ANO4: variants seen among roughly 807,000 people sequenced by gnomAD.
ANO4 encodes anoctamin 4.
In ANO4, 69 loss-of-function variants were observed where a neutral mutation model predicts 141.9. That is an observed-to-expected ratio of 0.49 (90% CI 0.40 to 0.59). The LOEUF (loss-of-function observed/expected upper bound fraction) is 0.59. Ranked by LOEUF, ANO4 falls within the 20% of genes least tolerant of loss-of-function variation. The pLI is 0.00. For synonymous variants in ANO4, 350 were observed against 394.3 expected (o/e 0.89, Z 1.33); for missense variants, 894 against 1,162.2 (o/e 0.77, Z 3.36).
intron 19 of ANO4, 86 bp downstream of exon 19, chr12:101,096,733 C>T (rs1843935012): frequency 2.0e-6 from 2 of 1,009,952 alleles, no homozygotes; most frequent in African/African-American, 1.6e-5. Context: ...GAAGCCCTCC[C>T]TTAGGGTGAT....
At chr12:100,888,656 A>G (rs529711676) in intron 1 of ANO4, among the ~76,000 whole-genome samples, 1 of 152,224 alleles carries the variant, frequency 6.6e-6, no homozygotes, top group Non-Finnish European at 1.5e-5. Flanking sequence ...AGCCCAGGTG[A>G]TGAAGGAGTC....
At chr12:100,889,247 A>G (rs970792919) in intron 1 of ANO4, among the ~76,000 whole-genome samples, 1 of 152,064 alleles carries the variant, frequency 6.6e-6, no homozygotes, top group Non-Finnish European at 1.5e-5. Context: ...TCCATGGTGT[A>G]TATGTGCCAC....
chr12:100,971,768 T>TC lies in ANO4; in HGVS notation c.557+362_557+363insC, dbSNP rs1359371119. Among the ~76,000 whole-genome samples, 6 of 152,292 alleles carry TC rather than the reference T, an allele frequency of 3.9e-5. No individual in the cohort carries two copies. In the East Asian group the frequency reaches 1.2e-3, roughly 29 times the overall value. On this transcript the variant is annotated intron_variant, in intron 6 of 27. Transcript: ENST00000392977. ...CACAGGGGCATGTTTTCATGTTCTT[T>TC]ACTGACTAGTCTCTTCCAGAAAAAC...
At chr12:100,856,299 C>A (rs925005019) in intron 1 of ANO4, among the ~76,000 whole-genome samples, 54 of 152,150 alleles carry the variant, frequency 3.5e-4, no homozygotes, top group Non-Finnish European at 6.9e-4. Flanking sequence ...GCAGAACCCA[C>A]CAGTCTCCTA....
chr12:100,754,818 A>C (rs985668170), intron 3 of ANO4, among the ~76,000 whole-genome samples: 2 of 152,190 alleles, frequency 1.3e-5, no homozygotes, highest in Non-Finnish European at 2.9e-5. Context: ...GCCAGGCACA[A>C]AATACCACAT....
At chr12:101,119,936 A>T (rs2051013957) in intron 25 of ANO4, among the ~76,000 whole-genome samples, 4 of 152,186 alleles carry the variant, frequency 2.6e-5, no homozygotes, top group Admixed American at 2.6e-4. Flanking sequence ...CAAAAGTGAT[A>T]GCTGGAGGAT....
intron 9 of ANO4, among the ~76,000 whole-genome samples, chr12:101,031,406 C>A (rs2046969492): frequency 6.6e-6 from 1 of 152,132 alleles, no homozygotes; most frequent in Non-Finnish European, 1.5e-5. Context: ...TAAAAACTCT[C>A]AATAAACTAG....
At chr12:100,825,157 A>C (rs998683376) in intron 1 of ANO4, among the ~76,000 whole-genome samples, 16 of 151,982 alleles carry the variant, frequency 1.1e-4, no homozygotes, top group African/African-American at 3.9e-4. Flanking sequence ...TTTTATTCCA[A>C]CTCTTTTACT....
rs144787713 is a variant in ANO4 at position 101,039,396 on chromosome 12, T to C, written c.898-559T>C. Among the ~76,000 whole-genome samples the C allele has an allele frequency of 8.7e-3, 1,329 of 152,256 alleles. 25 individuals carry two copies. Among genetic ancestry groups the C allele is most frequent in the African/African-American group, 0.03 (1,234 of 41,538 alleles). ...GGCACATGCCTATGGTCCCAGCTACTTGGGAGGCTGAGGTGGGAGGATTGC... is the reference window on the plus strand; with the variant it reads ...GGCACATGCCTATGGTCCCAGCTACCTGGGAGGCTGAGGTGGGAGGATTGC... On this transcript the variant is annotated intron_variant, in intron 10 of 27. Coordinates refer to ENST00000392977, the MANE Select transcript of ANO4 (RefSeq NM_001286615.2).
chr12:101,015,936 T>A (rs2046298742), intron 8 of ANO4, among the ~76,000 whole-genome samples: 2 of 152,142 alleles, frequency 1.3e-5, no homozygotes, highest in Admixed American at 1.3e-4. Flanking sequence ...ATATGGGGAA[T>A]CATCACTGTT....
intron 14 of ANO4, among the ~76,000 whole-genome samples, chr12:101,070,428 T>C (rs2048764017): frequency 6.6e-6 from 1 of 152,200 alleles, no homozygotes; most frequent in Non-Finnish European, 1.5e-5. Flanking sequence ...AAAAGTCTTT[T>C]CAATAAATGG....
intron 1 of ANO4, among the ~76,000 whole-genome samples, chr12:100,898,726 T>A (rs967952450): frequency 4.6e-5 from 7 of 152,240 alleles, no homozygotes; most frequent in Admixed American, 6.5e-5. Context: ...CTAAAAGTGC[T>A]GTGCTGAGTC....
At chr12:100,930,953 C>T (rs1221750112) in intron 3 of ANO4, among the ~76,000 whole-genome samples, 2 of 152,042 alleles carry the variant, frequency 1.3e-5, no homozygotes, top group East Asian at 3.9e-4. Context: ...CTGTAGGGTT[C>T]CAGAGAACAG....
At chr12:100,876,197 G>A (rs1272240677) in intron 1 of ANO4, among the ~76,000 whole-genome samples, 1 of 149,584 alleles carries the variant, frequency 6.7e-6, no homozygotes, top group African/African-American at 2.5e-5. Flanking sequence ...GTGGAAACTT[G>A]TAAGTGTGGG....
intron 17 of ANO4, among the ~76,000 whole-genome samples, chr12:101,092,768 A>G (rs1296263883): frequency 6.6e-6 from 1 of 152,150 alleles, no homozygotes; most frequent in Admixed American, 6.6e-5. Context: ...CCATGTAACA[A>G]AGGCATATCC....
At chr12:101,045,651 C>T (rs961721186) in intron 13 of ANO4, among the ~76,000 whole-genome samples, 2 of 152,158 alleles carry the variant, frequency 1.3e-5, no homozygotes. Flanking sequence ...AACCCAACTC[C>T]TACTGGCTTA....
At chr12:101,120,374 G>A (rs1223564679) in intron 25 of ANO4, 146 bp from the exon 26 acceptor site, 2 of 668,924 alleles carry the variant, frequency 3.0e-6, no homozygotes, top group African/African-American at 3.7e-5. Flanking sequence ...GAAGAAAAAT[G>A]CTGGACAAGC....
chr12:100,919,989 A>G (rs1195367015), intron 2 of ANO4, among the ~76,000 whole-genome samples: 1 of 152,018 alleles, frequency 6.6e-6, no homozygotes, highest in Non-Finnish European at 1.5e-5. Context: ...GTTATTAAAA[A>G]TTCTAGTTAT....
At chr12:100,745,306 A>G (rs1237724272) in intron 3 of ANO4, among the ~76,000 whole-genome samples, 3 of 152,176 alleles carry the variant, frequency 2.0e-5, no homozygotes, top group Non-Finnish European at 4.4e-5. Context: ...GAGTTTGTGA[A>G]TTCTTTCCCT....
Sources: gnomAD v4.1 joint callset for allele counts (sites outside exome capture counted in the v4.1 genomes callset) on GRCh38, gnomAD v4.1.1 for gene constraint, MANE v1.5 for transcripts, NCBI Gene and HGNC (gene_info 2026-07-23, HGNC 2026-07-21) for gene names.